Variants in CHST13 observed in about 807,000 individuals in gnomAD.
The protein encoded by CHST13 is C4ST-3.
Under a neutral mutation model 7.0 loss-of-function variants are expected in CHST13, and 1 was observed. The ratio of observed to expected loss-of-function variants is 0.14; its 90% CI spans 0.05 to 0.68. The LOEUF (loss-of-function observed/expected upper bound fraction) is 0.68, where lower values mean the gene tolerates loss of function less well. Ranked by LOEUF, CHST13 falls within the 30% of genes least tolerant of loss-of-function variation. CHST13 has a pLI of 0.82. For synonymous variants in CHST13, 257 were observed against 240.9 expected, an observed-to-expected ratio of 1.07 and a Z score of -0.62; for missense variants, 572 against 507.9, an observed-to-expected ratio of 1.13 and a Z score of -1.21.
intron 1 of CHST13, 128 bp from the exon 2 acceptor site, chr3:126,536,143 A>T: frequency 1.4e-6 from 1 of 702,660 alleles, no homozygotes; most frequent in Non-Finnish European, 2.5e-6. Context: ...CCTAGGAGGT[A>T]GGCAAGATCC....
intron 2 of CHST13, among the ~76,000 whole-genome samples, chr3:126,541,394 A>T (rs1436400537): frequency 2.6e-5 from 4 of 152,166 alleles, no homozygotes; most frequent in Non-Finnish European, 4.4e-5. Context: ...CTTTTAGTAA[A>T]CATTGAAGAG....
chr3:126,530,220 C>T (rs981254993), intron 1 of CHST13, among the ~76,000 whole-genome samples: 2 of 152,248 alleles, frequency 1.3e-5, no homozygotes, highest in Non-Finnish European at 1.5e-5. Flanking sequence ...TGGAGGCGGC[C>T]CAGCCCTGTA....
At chr3:126,531,349 G>T (rs1042789169) in intron 1 of CHST13, among the ~76,000 whole-genome samples, 1 of 152,268 alleles carries the variant, frequency 6.6e-6, no homozygotes, top group South Asian at 2.1e-4. Flanking sequence ...AAGTTTACTG[G>T]CGTGCCAGAA....
At chr3:126,539,812 CCACAAACACACAT>C (rs1936901677) in intron 2 of CHST13, among the ~76,000 whole-genome samples, 1 of 99,956 alleles carries the variant, frequency 1.0e-5, no homozygotes, top group African/African-American at 4.1e-5. Flanking sequence ...ACACCACACA[CCACAAACACACAT>C]ACCACACACA....
At position 126,542,636 on chromosome 3, in the gene CHST13, G is replaced by A. The variant is rs1936993607; in HGVS notation, c.*58G>A. ...AGTGCCTTTCCGACAAGACCCCCGGGGAATGCAGGTGCTGCCGGCCCCAGG... is the reference window on the plus strand; with the variant it reads ...AGTGCCTTTCCGACAAGACCCCCGGAGAATGCAGGTGCTGCCGGCCCCAGG... On this transcript the variant is annotated 3_prime_UTR_variant, in exon 3 of 3. Coordinates refer to ENST00000319340, the MANE Select transcript of CHST13 (RefSeq NM_152889.3). 4 of 1,414,896 alleles carry A rather than the reference G, an allele frequency of 2.8e-6. No homozygotes were observed. The highest frequency in any genetic ancestry group is 1.6e-5 in the South Asian group (1 of 62,890). The allele number at this position is 1,414,896 out of a possible 1,614,324, so 87.6% of individuals were successfully genotyped here. A position where few individuals can be genotyped will look rare whatever the true frequency, so the allele number is the denominator to read the frequency against.
intron 1 of CHST13, among the ~76,000 whole-genome samples, chr3:126,529,778 C>T (rs1008643842): frequency 6.6e-6 from 1 of 152,186 alleles, no homozygotes; most frequent in Non-Finnish European, 1.5e-5. Context: ...ATCCTGTCCC[C>T]CTTCTCTCCC....
chr3:126,541,986 C>T lies in CHST13; in HGVS notation c.434C>T (p.Ala145Val), dbSNP rs200175838. The change falls in exon 3 of 3, where the codon GCG (alanine) becomes GTG (valine). Residue 145 changes from alanine to valine, a missense_variant. Transcript: ENST00000319340. ...PRAISAQEAHAPGRLPSLADF... is the reference protein window; with the variant it reads ...PRAISAQEAHVPGRLPSLADF... The stretch of plus-strand genomic sequence containing the variant: ...GCCATCTCCGCGCAAGAGGCGCACG[C>T]GCCTGGCCGCCTGCCCTCACTGGCC... The T allele has an allele frequency of 2.9e-5, 45 of 1,563,644 alleles. No individual in the cohort carries two copies. Among genetic ancestry groups the T allele is most frequent in the Non-Finnish European group, 3.7e-5 (43 of 1,159,412 alleles).
At chr3:126,534,751 G>A (rs1191956184) in intron 1 of CHST13, among the ~76,000 whole-genome samples, 1 of 146,630 alleles carries the variant, frequency 6.8e-6, no homozygotes, top group African/African-American at 2.6e-5. Flanking sequence ...TCCCCACCCA[G>A]GAGACAGACA....
At position 126,524,384 on chromosome 3, in the gene CHST13, G is replaced by A; in HGVS notation, c.52G>A (p.Ala18Thr). 8.1e-7 allele frequency: 1 copy of A among 1,235,018 alleles called. No individual in the cohort carries two copies. Among genetic ancestry groups the A allele is most frequent in the Non-Finnish European group, 1.0e-6 (1 of 988,370 alleles). The allele number at this position is 1,235,018 out of a possible 1,614,324, so 76.5% of individuals were successfully genotyped here. ...CGTGCTGGCGGCCGCCTGTCTGGGC[G>A]CCGCGCTCCTGCTCCTATGCGCCGC... ...RRVLAAACLG[A>T]ALLLLCAAPR... Residue 18 changes from alanine (A) to threonine (T), a missense_variant, in exon 1 of 3, where the codon GCC (alanine) becomes ACC (threonine). Ala to Thr is a moderately conservative substitution (Grantham distance 58). Coordinates refer to ENST00000319340, the MANE Select transcript of CHST13 (RefSeq NM_152889.3).
chr3:126,538,586 G>A (rs1936852701), intron 2 of CHST13, among the ~76,000 whole-genome samples: 1 of 152,236 alleles, frequency 6.6e-6, no homozygotes, highest in South Asian at 2.1e-4. Flanking sequence ...AGACTGACAG[G>A]TGGCCGGATG....
At chr3:126,534,947 C>A (rs1178271694) in intron 1 of CHST13, among the ~76,000 whole-genome samples, 1 of 147,654 alleles carries the variant, frequency 6.8e-6, no homozygotes, top group Admixed American at 6.7e-5. Flanking sequence ...CAGACAGCAT[C>A]CCTGTCCCCA....
chr3:126,535,181 C>T (rs1175884785), intron 1 of CHST13, among the ~76,000 whole-genome samples: 1 of 150,800 alleles, frequency 6.6e-6, no homozygotes, highest in African/African-American at 2.4e-5. Flanking sequence ...TCCCTGTCCC[C>T]AGCCGGGAGA....
chr3:126,525,204 T>C (rs1433511419), intron 1 of CHST13, among the ~76,000 whole-genome samples: 2 of 152,056 alleles, frequency 1.3e-5, no homozygotes, highest in African/African-American at 4.8e-5. Flanking sequence ...TGCCTTTCCT[T>C]GTATGTGGTA....
intron 2 of CHST13, among the ~76,000 whole-genome samples, chr3:126,537,726 G>C (rs1484295988): frequency 6.6e-6 from 1 of 151,958 alleles, no homozygotes; most frequent in African/African-American, 2.4e-5. Context: ...ACTCCCTGGA[G>C]GCTTAGCACC....
intron 1 of CHST13, chr3:126,529,184 T>C (rs1936597328): frequency 1.5e-6 from 1 of 648,188 alleles, no homozygotes; most frequent in African/African-American, 1.9e-5. Context: ...CAGAGGAGGA[T>C]GGTCGTGCTT....
intron 1 of CHST13, 107 bp from the exon 2 acceptor site, chr3:126,536,164 T>G: frequency 1.2e-6 from 1 of 843,202 alleles, no homozygotes; most frequent in Non-Finnish European, 2.0e-6. Context: ...GGGAAGGAAA[T>G]TGAGTGCCAG....
rs1213145737 is a variant in CHST13, at chr3:126,529,909, T to C, written c.97+5480T>C. On this transcript the variant is annotated intron_variant, in intron 1 of 2. Transcript: ENST00000319340. ...ACACTGCCTGGCTCTCCCTGTTCTGTCTGCTCCTCTGTCCCCTTGGCAGGG... is the reference window on the plus strand; with the variant it reads ...ACACTGCCTGGCTCTCCCTGTTCTGCCTGCTCCTCTGTCCCCTTGGCAGGG... Among the ~76,000 whole-genome samples the C allele has an allele frequency of 2.0e-5, 3 of 152,234 alleles. No homozygotes were observed. The East Asian group carries it at 5.8e-4, about 29-fold the overall frequency.
intron 1 of CHST13, among the ~76,000 whole-genome samples, chr3:126,528,860 C>G (rs950503302): frequency 6.6e-6 from 1 of 152,192 alleles, no homozygotes; most frequent in Non-Finnish European, 1.5e-5. Context: ...GGGCCTGATC[C>G]CCAGAAGGAA....
chr3:126,542,245 C>G lies in CHST13; in HGVS notation c.693C>G (p.Tyr231Ter), dbSNP rs746870178. The G allele has an allele frequency of 6.5e-7, 1 of 1,533,418 alleles. No individual in the cohort carries two copies. Among genetic ancestry groups the G allele is most frequent in the Non-Finnish European group, 8.7e-7 (1 of 1,147,614 alleles). 95.0% of individuals were successfully genotyped at this position (1,533,418 alleles called of 1,614,324 possible). A position where few individuals can be genotyped will look rare whatever the true frequency, so the allele number is the denominator to read the frequency against. The part of the protein sequence containing the change: ...HDVRFAEFLA[Y>*]LLDPRTRREE... ...TGCGCTTCGCGGAGTTCCTGGCCTA[C>G]CTGCTGGACCCGCGCACGCGGCGTG... is the stretch of plus-strand genomic sequence containing the variant. The change falls in exon 3 of 3, where the codon TAC (tyrosine) becomes TAG (stop). Residue 231 changes from tyrosine to a stop codon, truncating the protein, a stop_gained. Transcript: ENST00000319340. LOFTEE classifies it low-confidence loss of function (END_TRUNC).
Sources: allele counts gnomAD v4.1 joint callset (sites outside exome capture counted in the v4.1 genomes callset), GRCh38; gene constraint gnomAD v4.1.1; transcripts MANE v1.5; gene names NCBI Gene and HGNC (gene_info 2026-07-23, HGNC 2026-07-21).